The following SGCD variants were observed in gnomAD, a reference collection of about 807,000 sequenced individuals.
SGCD encodes sarcoglycan delta, also known as delta-sarcoglycan.
Under a neutral mutation model 36.6 loss-of-function variants are expected in SGCD, and 18 were observed. That is an observed-to-expected ratio of 0.49 (90% confidence interval 0.34 to 0.73). The LOEUF is 0.73. Among genes scored for constraint, SGCD ranks in the 30% least tolerant of loss-of-function variants. The pLI, the probability that SGCD is intolerant of heterozygous loss-of-function variation, is 0.01. For synonymous variants in SGCD, 133 were observed against 130.6 expected (o/e 1.02, Z -0.12); for missense variants, 387 against 346.7 (o/e 1.12, Z -0.92).
chr5:155,832,905 A>G, the SGCD span, among the ~76,000 whole-genome samples: 1 of 152,070 alleles, frequency 6.6e-6, no homozygotes, highest in East Asian at 1.9e-4. Flanking sequence ...GTCAGTGAGC[A>G]TGTATCTCAG....
intron 6 of SGCD, among the ~76,000 whole-genome samples, chr5:156,640,694 A>G (rs1397859268): frequency 6.6e-6 from 1 of 152,170 alleles, no homozygotes; most frequent in African/African-American, 2.4e-5. Flanking sequence ...CCCCCACAAA[A>G]TCATGTCTGA....
chr5:155,935,314 C>CA (rs1223222338), intron 1 of SGCD, among the ~76,000 whole-genome samples: 2 of 152,028 alleles, frequency 1.3e-5, no homozygotes, highest in African/African-American at 4.8e-5. Flanking sequence ...TTCATTTATT[C>CA]AAAACGTATT....
chr5:155,842,246 GTTTTTTT>G, the SGCD span, among the ~76,000 whole-genome samples: 2 of 129,054 alleles, frequency 1.5e-5, no homozygotes, highest in South Asian at 2.5e-4. Context: ...CATTTGAGGT[GTTTTTTT>G]TTTTTTTTTT....
chr5:156,603,170 G>T (rs550967693), intron 6 of SGCD, among the ~76,000 whole-genome samples: 1 of 151,876 alleles, frequency 6.6e-6, no homozygotes, highest in African/African-American at 2.4e-5. Flanking sequence ...AATCTTGTTA[G>T]GTTCTATGGG....
intron 3 of SGCD, among the ~76,000 whole-genome samples, chr5:156,498,935 C>CCTGTGTGT (rs149269957): frequency 0.077 from 11,538 of 149,316 alleles, 585 homozygotes; most frequent in African/African-American, 0.15. Context: ...ATGTGTGCTA[C>CCTGTGTGT]GTGTGTGTGT....
rs763572893 is a variant in SGCD at position 156,732,571 on chromosome 5, A to G, written c.576-25010A>G. ...GGCCTGAAGGTTTCTGTTTTTTTCT[A>G]TCTTTGCCAGGTTTTGGTATCAGGA... On this transcript the variant is annotated intron_variant, in intron 7 of 8. Transcript: ENST00000337851. Among the ~76,000 whole-genome samples the G allele has an allele frequency of 5.9e-5, 9 of 151,608 alleles. No homozygotes were observed. In the East Asian group the frequency reaches 9.7e-4, roughly 16 times the overall value.
chr5:156,594,279 A>G (rs1476485090), intron 5 of SGCD, among the ~76,000 whole-genome samples: 4 of 152,172 alleles, frequency 2.6e-5, no homozygotes, highest in Non-Finnish European at 5.9e-5. Flanking sequence ...GTGCAGTATT[A>G]CAGCTCCACA....
rs367879360 is a variant in SGCD, at chr5:155,996,863, G to GGATGGATAGATAGATA, written c.-281-121012_-281-121011insGGATAGATAGATAGAT. Among the ~76,000 whole-genome samples, 830 of 133,392 alleles carry GGATGGATAGATAGATA rather than the reference G, an allele frequency of 6.2e-3. 10 individuals are homozygous for GGATGGATAGATAGATA. Among genetic ancestry groups the GGATGGATAGATAGATA allele is most frequent in the African/African-American group, 0.02 (758 of 37,728 alleles). 87.5% of individuals were successfully genotyped at this position (133,392 alleles called of 152,430 possible). ...TGGTAAATCTGATATCTGGATGGAT[G>GGATGGATAGATAGATA]GATAGATAGATAGATAGATAGATAG... On this transcript the variant is annotated intron_variant, in intron 1 of 9. Transcript: ENST00000517913.
the SGCD span, among the ~76,000 whole-genome samples, chr5:155,835,080 T>C: frequency 2.8e-5 from 4 of 142,216 alleles, no homozygotes; most frequent in South Asian, 9.3e-4. Context: ...TGATCTCGGC[T>C]CAACGCAATC....
chr5:155,756,670 A>G, the SGCD span, among the ~76,000 whole-genome samples: 1 of 152,302 alleles, frequency 6.6e-6, no homozygotes, highest in African/African-American at 2.4e-5. Flanking sequence ...CACAGTTGCA[A>G]TTTCATGTGG....
chr5:155,758,515 C>G, the SGCD span, among the ~76,000 whole-genome samples: 1 of 152,208 alleles, frequency 6.6e-6, no homozygotes, highest in African/African-American at 2.4e-5. Flanking sequence ...TGGTACCGGT[C>G]CATGGCCTGT....
At chr5:156,309,033 G>A (rs1014787002) in intron 3 of SGCD, among the ~76,000 whole-genome samples, 6 of 152,000 alleles carry the variant, frequency 3.9e-5, no homozygotes, top group Non-Finnish European at 7.4e-5. Context: ...AGAATCCCTT[G>A]TATGTGGCAC....
intron 7 of SGCD, among the ~76,000 whole-genome samples, chr5:156,695,523 A>AGATAGATAGATAGATAGATAGATAGATG (rs1754283415): frequency 6.2e-5 from 1 of 16,084 alleles, no homozygotes; most frequent in Non-Finnish European, 1.2e-4. Context: ...ATAGATAGAT[A>AGATAGATAGATAGATAGATAGATAGATG]GATAGATAGA....
At chr5:156,224,162 T>C (rs1581178254) in intron 3 of SGCD, among the ~76,000 whole-genome samples, 1 of 152,126 alleles carries the variant, frequency 6.6e-6, no homozygotes, top group Non-Finnish European at 1.5e-5. Flanking sequence ...AATCTATAGA[T>C]GGCAACATTG....
At chr5:156,537,346 G>A (rs1758158354) in intron 4 of SGCD, among the ~76,000 whole-genome samples, 1 of 151,880 alleles carries the variant, frequency 6.6e-6, no homozygotes. Context: ...AGTACCTTCT[G>A]CATTCCTGGT....
chr5:156,220,256 C>T (rs1342646326), intron 3 of SGCD, among the ~76,000 whole-genome samples: 1 of 152,088 alleles, frequency 6.6e-6, no homozygotes, highest in African/African-American at 2.4e-5. Flanking sequence ...AGTCCTGCTC[C>T]TCAGATTTTC....
intron 3 of SGCD, among the ~76,000 whole-genome samples, chr5:156,251,809 C>T (rs527409820): frequency 2.0e-5 from 3 of 151,458 alleles, no homozygotes; most frequent in Admixed American, 6.6e-5. Context: ...CCACTGTGCC[C>T]GGCCTATACT....
At chr5:156,197,734 C>A (rs1764054673) in intron 3 of SGCD, among the ~76,000 whole-genome samples, 1 of 151,938 alleles carries the variant, frequency 6.6e-6, no homozygotes, top group East Asian at 1.9e-4. Flanking sequence ...TGATTTTTAT[C>A]TCTCCCAAAT....
At chr5:156,170,248 AAAGT>A (rs1763311625) in intron 3 of SGCD, among the ~76,000 whole-genome samples, 1 of 152,216 alleles carries the variant, frequency 6.6e-6, no homozygotes, top group Non-Finnish European at 1.5e-5. Flanking sequence ...TTGCAGATCA[AAAGT>A]AAGATGAATT....
Sources: gnomAD v4.1 joint callset for allele counts (sites outside exome capture counted in the v4.1 genomes callset) on GRCh38, gnomAD v4.1.1 for gene constraint, MANE v1.5 for transcripts, NCBI Gene and HGNC (gene_info 2026-07-23, HGNC 2026-07-21) for gene names.